The following NUBPL variants were observed in gnomAD, a reference collection of about 807,000 sequenced individuals.
NUBPL encodes the protein iron-sulfur cluster transfer protein NUBPL.
A neutral mutation model predicts 45.7 loss-of-function variants in NUBPL; 31 were observed. That is an observed-to-expected ratio of 0.68 (90% CI 0.51 to 0.92). The LOEUF (loss-of-function observed/expected upper bound fraction) is 0.92, where lower values mean the gene tolerates loss of function less well. Among genes scored for constraint, NUBPL ranks in the 40% least tolerant of loss-of-function variants. The pLI is 0.00. For synonymous variants in NUBPL, 144 were observed against 140.9 expected, an observed-to-expected ratio of 1.02 and a Z score of -0.15; for missense variants, 401 against 398.7, an observed-to-expected ratio of 1.01 and a Z score of -0.05.
At chr14:31,721,113 AGG>A (rs2037799307) in intron 6 of NUBPL, among the ~76,000 whole-genome samples, 2 of 152,200 alleles carry the variant, frequency 1.3e-5, no homozygotes, top group Admixed American at 1.3e-4. Flanking sequence ...CAATGTTCGG[AGG>A]CTTTCAATTC....
intron 7 of NUBPL, among the ~76,000 whole-genome samples, chr14:31,814,736 G>A (rs1003268736): frequency 7.9e-5 from 12 of 152,162 alleles, no homozygotes; most frequent in Admixed American, 4.6e-4. Context: ...TAGGGGTCCA[G>A]TTTCAGTTTT....
At chr14:31,813,028 A>T (rs2039842196) in intron 7 of NUBPL, among the ~76,000 whole-genome samples, 1 of 135,404 alleles carries the variant, frequency 7.4e-6, no homozygotes, top group Admixed American at 8.5e-5. Flanking sequence ...TCTGTCGCCT[A>T]GGCTGGAGTG....
chr14:31,793,537 C>G (rs1341361137), intron 7 of NUBPL, among the ~76,000 whole-genome samples: 1 of 152,140 alleles, frequency 6.6e-6, no homozygotes, highest in Non-Finnish European at 1.5e-5. Context: ...TCCTGGAGGG[C>G]TAGGCTGTTT....
rs373464214 is a variant in NUBPL at position 31,850,170 on chromosome 14, C to T, written c.866C>T (p.Pro289Leu). 1.2e-6 allele frequency: 2 copies of T among 1,613,684 alleles called. No individual in the cohort carries two copies. Among genetic ancestry groups the T allele is most frequent in the Non-Finnish European group, 1.7e-6 (2 of 1,179,854 alleles). The change falls in exon 10 of 11, where the codon CCA (proline) becomes CTA (leucine). Residue 289 changes from proline to leucine, a missense_variant. Physicochemically the swap from Pro to Leu is moderately conservative, Grantham distance 98. Coordinates refer to ENST00000281081, the MANE Select transcript of NUBPL (RefSeq NM_025152.3). ...NIREASDTGQ[P>L]IVFSQPESDE... ...AGGGAAGCTTCAGATACAGGCCAGC[C>T]AATTGTGTTTTCACAGCCTGAAAGT... is the stretch of plus-strand genomic sequence containing the variant.
chr14:31,727,001 C>T (rs2037940783), intron 6 of NUBPL, among the ~76,000 whole-genome samples: 1 of 152,078 alleles, frequency 6.6e-6, no homozygotes, highest in Admixed American at 6.5e-5. Context: ...AAAATATCTT[C>T]AGGCGTCACC....
intron 9 of NUBPL, among the ~76,000 whole-genome samples, chr14:31,847,566 CTT>C (rs1395500420): frequency 9.9e-5 from 15 of 152,158 alleles, no homozygotes. Context: ...ACTTAACAGA[CTT>C]TTTAGAAAAC....
At chr14:31,778,206 G>C (rs1214093329) in intron 6 of NUBPL, among the ~76,000 whole-genome samples, 2 of 152,224 alleles carry the variant, frequency 1.3e-5, no homozygotes, top group Non-Finnish European at 2.9e-5. Context: ...CTCCTGGTGA[G>C]GACAACTCAA....
intron 4 of NUBPL, among the ~76,000 whole-genome samples, chr14:31,665,164 C>A (rs542565572): frequency 6.6e-6 from 1 of 151,954 alleles, no homozygotes; most frequent in South Asian, 2.1e-4. Flanking sequence ...TTAATCTTTT[C>A]AAAAAAACCA....
At chr14:31,625,477 CTTTTTTTTTT>C (rs34987045) in intron 4 of NUBPL, among the ~76,000 whole-genome samples, 1 of 137,776 alleles carries the variant, frequency 7.3e-6, no homozygotes, top group Non-Finnish European at 1.6e-5. Flanking sequence ...TCTTTTCTTT[CTTTTTTTTTT>C]TTTTTGAGAG....
intron 3 of NUBPL, among the ~76,000 whole-genome samples, chr14:31,576,404 G>A (rs990423934): frequency 2.0e-5 from 3 of 152,124 alleles, no homozygotes; most frequent in African/African-American, 7.2e-5. Flanking sequence ...TGGGACTATA[G>A]GTATGTGCCA....
At chr14:31,767,493 G>A (rs1021995511) in intron 6 of NUBPL, among the ~76,000 whole-genome samples, 5 of 152,162 alleles carry the variant, frequency 3.3e-5, no homozygotes, top group Non-Finnish European at 7.3e-5. Flanking sequence ...GATTACAGGC[G>A]TGAGCCACCA....
intron 3 of NUBPL, among the ~76,000 whole-genome samples, chr14:31,589,514 A>C (rs1157445009): frequency 6.6e-6 from 1 of 152,242 alleles, no homozygotes; most frequent in Non-Finnish European, 1.5e-5. Flanking sequence ...AGTGTACAGA[A>C]TAAGAAACTT....
chr14:31,859,401 C>T lies in NUBPL; in HGVS notation c.*221C>T. On this transcript the variant is annotated 3_prime_UTR_variant, in exon 11 of 11. Transcript: ENST00000281081. The stretch of plus-strand genomic sequence containing the variant: ...GGAATTTTTTGAAAGCTGGTGTGTA[C>T]CACCTGCAAAGAACTGCATTTTATT... The T allele has an allele frequency of 1.8e-6, 1 of 561,090 alleles. No homozygotes were observed. Among genetic ancestry groups the T allele is most frequent in the South Asian group, 2.0e-5 (1 of 49,152 alleles). The allele number at this position is 561,090 out of a possible 1,614,324, so 34.8% of individuals were successfully genotyped here. A position where few individuals can be genotyped will look rare whatever the true frequency, so the allele number is the denominator to read the frequency against.
intron 6 of NUBPL, among the ~76,000 whole-genome samples, chr14:31,748,503 A>G (rs975498277): frequency 2.0e-5 from 3 of 151,438 alleles, no homozygotes; most frequent in African/African-American, 7.3e-5. Context: ...GATATTTACA[A>G]TTGTTATATC....
At chr14:31,606,032 C>A (rs1260743786) in intron 4 of NUBPL, among the ~76,000 whole-genome samples, 2 of 149,524 alleles carry the variant, frequency 1.3e-5, no homozygotes, top group Admixed American at 6.7e-5. Context: ...CACTCCTTCT[C>A]CCTCCTCCTC....
At chr14:31,572,120 C>T (rs2033601313) in intron 3 of NUBPL, among the ~76,000 whole-genome samples, 1 of 151,892 alleles carries the variant, frequency 6.6e-6, no homozygotes, top group South Asian at 2.1e-4. Context: ...TGTATTGCTC[C>T]TATTTTAGCT....
At chr14:31,680,889 T>A (rs1018487704) in intron 6 of NUBPL, among the ~76,000 whole-genome samples, 7 of 152,142 alleles carry the variant, frequency 4.6e-5, no homozygotes, top group Non-Finnish European at 8.8e-5. Flanking sequence ...GTTGAATTCA[T>A]GAATGTGGAA....
In NUBPL at chr14:31,846,669, C is replaced by T; in HGVS notation, c.814+78C>T. The T allele has an allele frequency of 1.9e-6, 3 of 1,585,150 alleles. No individual in the cohort carries two copies. The South Asian group carries it at 3.4e-5, about 18-fold the overall frequency. On this transcript the variant is annotated intron_variant, in intron 9 of 10. Transcript: ENST00000281081. Reference sequence around the variant, plus strand: ...GATGAGGCTTGATGATTAAGAGTGTCTCAGAGGCCGGGCACGGAGTCTCAC... The same window carrying T: ...GATGAGGCTTGATGATTAAGAGTGTTTCAGAGGCCGGGCACGGAGTCTCAC...
At chr14:31,658,303 T>C (rs1246947621) in intron 4 of NUBPL, among the ~76,000 whole-genome samples, 2 of 152,192 alleles carry the variant, frequency 1.3e-5, no homozygotes, top group East Asian at 3.9e-4. Flanking sequence ...ACTTAATGTT[T>C]CTGTTGCTAG....
Sources: allele counts gnomAD v4.1 joint callset (sites outside exome capture counted in the v4.1 genomes callset), GRCh38; gene constraint gnomAD v4.1.1; transcripts MANE v1.5; gene names NCBI Gene and HGNC (gene_info 2026-07-23, HGNC 2026-07-21).